SCAMP4: variants seen among roughly 807,000 people sequenced by gnomAD.
SCAMP4 encodes secretory carrier membrane protein 4.
Under a neutral mutation model 32.1 loss-of-function variants are expected in SCAMP4, and 19 were observed. The ratio of observed to expected loss-of-function variants is 0.59; its 90% CI spans 0.41 to 0.87. SCAMP4 has a LOEUF of 0.87. Ranked by LOEUF, SCAMP4 falls within the 40% of genes least tolerant of loss-of-function variation. The probability of loss-of-function intolerance (pLI) is 0.00; values close to 1 mark genes in which losing one functional copy is unlikely to be tolerated. For synonymous variants in SCAMP4, 152 were observed against 132.7 expected (o/e 1.15, Z -1.00); for missense variants, 302 against 309.0 (o/e 0.98, Z 0.17).
Position 1,915,285 on chromosome 19 carries a change from C to T in SCAMP4, c.7+259C>T, listed in dbSNP as rs2013693857. 7 of 579,142 alleles carry T rather than the reference C, an allele frequency of 1.2e-5. No homozygotes were observed. The South Asian group carries it at 1.4e-4, about 12-fold the overall frequency. The allele number at this position is 579,142 out of a possible 1,614,324, so 35.9% of individuals were successfully genotyped here. A position where few individuals can be genotyped will look rare whatever the true frequency, so the allele number is the denominator to read the frequency against. On this transcript the variant is annotated intron_variant, in intron 2 of 6. Transcript: ENST00000316097. ...GCCCAGCCGGGTGCCCCTGCCATCA[C>T]AGCTGCTCTTTCCTTATAGCAGCGG...
intron 5 of SCAMP4, chr19:1,919,485 T>C: frequency 3.1e-6 from 3 of 981,564 alleles, no homozygotes; most frequent in Non-Finnish European, 1.2e-6. Context: ...TTTCTGCCTT[T>C]TTTCTTTTCT....
intron 5 of SCAMP4, chr19:1,922,528 C>T (rs770318135): frequency 3.0e-6 from 3 of 985,318 alleles, no homozygotes; most frequent in African/African-American, 3.5e-5. Flanking sequence ...AGCCTCTGCG[C>T]CCGGCCTCCT....
chr19:1,918,118 T>C lies in SCAMP4; in HGVS notation c.137-9T>C, dbSNP rs764524495. 6.2e-7 allele frequency: 1 copy of C among 1,606,650 alleles called. No individual in the cohort carries two copies. The highest frequency in any genetic ancestry group is 1.1e-5 in the South Asian group (1 of 90,360). On this transcript the variant is annotated splice_polypyrimidine_tract_variant and intron_variant, in intron 3 of 6. Transcript: ENST00000316097. ...TGCCTGCTCATCCGTCCTCCCTCTC[T>C]CTTCGCAGTTTACTGCGCCACCCTC... is the stretch of plus-strand genomic sequence containing the variant.
At chr19:1,923,008 CG>C in intron 5 of SCAMP4, 61 bp from the exon 6 acceptor site, 1 of 1,466,524 alleles carries the variant, frequency 6.8e-7, no homozygotes, top group Non-Finnish European at 9.1e-7. Context: ...GACCATGGGC[CG>C]GACCATGGGC....
chr19:1,918,049 GCC>G, intron 3 of SCAMP4, 76 bp from the exon 4 acceptor site: 2 of 1,524,936 alleles, frequency 1.3e-6, no homozygotes, highest in Non-Finnish European at 1.8e-6. Context: ...GACAGCGGGT[GCC>G]CCATTGCTGG....
rs944028541 is a variant in SCAMP4 at position 1,920,546 on chromosome 19, G to A, written c.395+1556G>A. On this transcript the variant is annotated intron_variant, in intron 5 of 6. Transcript: ENST00000316097. ...TGGTCTGTCACCTGCCACCCCAAGA[G>A]CCTGAGTGACGTTGCCCCAGGGATC... The A allele has an allele frequency of 2.2e-5, 21 of 954,096 alleles. No individual in the cohort carries two copies. In the African/African-American group the frequency reaches 3.5e-4, roughly 16 times the overall value. The allele number at this position is 954,096 out of a possible 1,614,324, so 59.1% of individuals were successfully genotyped here. A position where few individuals can be genotyped will look rare whatever the true frequency, so the allele number is the denominator to read the frequency against.
chr19:1,923,649 C>T lies in SCAMP4; in HGVS notation c.514-459C>T, dbSNP rs532161930. ...TTTTTTTTTTTTTTAGACAGAGTCT[C>T]GCTCTGTCACCCAGGCTGGAGTGTA... On this transcript the variant is annotated intron_variant, in intron 6 of 6. Coordinates refer to ENST00000316097, the MANE Select transcript of SCAMP4 (RefSeq NM_079834.4). Among the ~76,000 whole-genome samples the T allele has an allele frequency of 3.7e-4, 45 of 121,384 alleles. No individual in the cohort carries two copies. The East Asian group carries it at 7.3e-3, about 20-fold the overall frequency. The allele number at this position is 121,384 out of a possible 152,430, so 79.6% of individuals were successfully genotyped here.
At chr19:1,911,412 T>C (rs2013440351) in intron 1 of SCAMP4, among the ~76,000 whole-genome samples, 1 of 151,790 alleles carries the variant, frequency 6.6e-6, no homozygotes, top group Non-Finnish European at 1.5e-5. Context: ...GCTCAAGTGA[T>C]CCCCCCACCT....
intron 1 of SCAMP4, among the ~76,000 whole-genome samples, chr19:1,914,136 C>G (rs1311375924): frequency 1.3e-5 from 2 of 152,146 alleles, no homozygotes; most frequent in African/African-American, 4.8e-5. Context: ...ATTTGGGCCT[C>G]CTTCATGCTC....
chr19:1,915,225 G>A (rs1453170203), intron 2 of SCAMP4, among the ~76,000 whole-genome samples, 199 bp downstream of exon 2: 2 of 152,206 alleles, frequency 1.3e-5, no homozygotes, highest in Non-Finnish European at 2.9e-5. Context: ...AGCCGCCTGT[G>A]TATCCGCTCG....
In SCAMP4 at chr19:1,918,074, C is replaced by T. The variant is rs1399133453; in HGVS notation, c.137-53C>T. On this transcript the variant is annotated intron_variant, in intron 3 of 6. Coordinates refer to ENST00000316097, the MANE Select transcript of SCAMP4 (RefSeq NM_079834.4). ...GCCCCATTGCTGGGCCCATGCTTTC[C>T]CACGGCCACACCCTCCCGTGCCTGC... is the stretch of plus-strand genomic sequence containing the variant. 3 of 1,568,256 alleles carry T rather than the reference C, an allele frequency of 1.9e-6. No individual in the cohort carries two copies. The Admixed American group carries it at 5.2e-5, about 27-fold the overall frequency.
chr19:1,912,379 G>T, intron 1 of SCAMP4: 1 of 1,521,256 alleles, frequency 6.6e-7, no homozygotes, highest in Non-Finnish European at 8.8e-7. Context: ...ATGCTGCTTT[G>T]CCTGGCTGGG....
intron 5 of SCAMP4, 101 bp from the exon 6 acceptor site, chr19:1,922,969 T>C: frequency 7.2e-7 from 1 of 1,396,026 alleles, no homozygotes; most frequent in Non-Finnish European, 9.3e-7. Context: ...CACTCCTTGT[T>C]GATTGGCCAG....
chr19:1,920,510 GC>G (rs1307952858), intron 5 of SCAMP4: 8 of 811,842 alleles, frequency 9.9e-6, no homozygotes, highest in Admixed American at 6.2e-5. Flanking sequence ...CCTCGGATGT[GC>G]CGCTGAAGCT....
Position 1,924,646 on chromosome 19 carries a change from C to G in SCAMP4, c.*362C>G. The stretch of plus-strand genomic sequence containing the variant: ...GGTGGCAGCAGGTCGGCCGCCCTCC[C>G]GTCCTCCCAGAGCTGCTGGCGCTGA... On this transcript the variant is annotated 3_prime_UTR_variant, in exon 7 of 7. Transcript: ENST00000316097. 6.9e-6 allele frequency: 2 copies of G among 290,812 alleles called. No individual in the cohort carries two copies. Among genetic ancestry groups the G allele is most frequent in the South Asian group, 8.2e-5 (2 of 24,484 alleles). The allele number at this position is 290,812 out of a possible 1,614,324, so 18.0% of individuals were successfully genotyped here.
Position 1,908,210 on chromosome 19 carries a change from C to T in SCAMP4, c.-42+2771C>T, listed in dbSNP as rs900146619. The T allele has an allele frequency of 1.9e-4, 54 of 277,400 alleles. No homozygotes were observed. The highest frequency in any genetic ancestry group is 1.3e-3 in the Middle Eastern group (1 of 754). The allele number at this position is 277,400 out of a possible 1,614,324, so 17.2% of individuals were successfully genotyped here. The stretch of plus-strand genomic sequence containing the variant: ...CTATGGGCCCCACCTGGCACGGGGC[C>T]TCGGGCAGCGGCAGCACCTGGCGCT... On this transcript the variant is annotated intron_variant, in intron 1 of 6. Transcript: ENST00000316097. This position sits in a 1 kb window ranked among gnomAD's most constrained non-coding sequence, Gnocchi z 4.2.
intron 2 of SCAMP4, among the ~76,000 whole-genome samples, chr19:1,916,903 G>C (rs1041929016): frequency 6.6e-6 from 1 of 152,236 alleles, no homozygotes; most frequent in African/African-American, 2.4e-5. Context: ...CTGCCGGAGG[G>C]AATGATACTA....
At chr19:1,922,346 C>A (rs564232472) in intron 5 of SCAMP4, 31 of 825,982 alleles carry the variant, frequency 3.8e-5, no homozygotes, top group Admixed American at 6.2e-5. Context: ...TGCAGCCTCC[C>A]GCTTCAGCCT....
chr19:1,923,204 G>T lies in SCAMP4; in HGVS notation c.513+17G>T. On this transcript the variant is annotated intron_variant, in intron 6 of 6. Transcript: ENST00000316097. ...ATCATGAAGGTGAGTCCTCGGCTTT[G>T]TGACGTCCAGCCCTTACCCCTTCTC... The T allele has an allele frequency of 6.5e-7, 1 of 1,540,144 alleles. No homozygotes were observed. The highest frequency in any genetic ancestry group is 8.8e-7 in the Non-Finnish European group (1 of 1,139,334).
Sources: gnomAD v4.1 joint callset for allele counts (sites outside exome capture counted in the v4.1 genomes callset) on GRCh38, gnomAD v4.1.1 for gene constraint, Gnocchi (gnomAD v3.1) non-coding constraint, MANE v1.5 for transcripts, NCBI Gene and HGNC (gene_info 2026-07-23, HGNC 2026-07-21) for gene names.